DSCAM: variants seen among roughly 807,000 people sequenced by gnomAD.
DSCAM encodes the protein DS cell adhesion molecule.
A neutral mutation model predicts 217.7 loss-of-function variants in DSCAM; 47 were observed. The ratio of observed to expected loss-of-function variants is 0.22; its 90% confidence interval spans 0.17 to 0.28. DSCAM has a LOEUF of 0.28. Among genes scored for constraint, DSCAM ranks in the 10% least tolerant of loss-of-function variants. The probability of loss-of-function intolerance (pLI) is 1.00; values close to 1 mark genes in which losing one functional copy is unlikely to be tolerated. For synonymous variants in DSCAM, 1,056 were observed against 1,015.3 expected (o/e 1.04, Z -0.76); for missense variants, 2,080 against 2,618.3 (o/e 0.79, Z 4.49).
intron 3 of DSCAM, among the ~76,000 whole-genome samples, chr21:40,630,966 G>A (rs1418271475): frequency 6.6e-6 from 1 of 152,120 alleles, no homozygotes; most frequent in Non-Finnish European, 1.5e-5. Context: ...TCTGGGGGTT[G>A]GAGCATCTGT....
At chr21:40,576,114 T>C (rs1210010096) in intron 3 of DSCAM, among the ~76,000 whole-genome samples, 1 of 152,114 alleles carries the variant, frequency 6.6e-6, no homozygotes, top group Non-Finnish European at 1.5e-5. Flanking sequence ...CCAAGAGAAA[T>C]CCTAACATAT....
At chr21:40,457,788 G>A (rs968493349) in intron 3 of DSCAM, among the ~76,000 whole-genome samples, 5 of 152,018 alleles carry the variant, frequency 3.3e-5, no homozygotes, top group African/African-American at 1.2e-4. Context: ...ACATTGTTGT[G>A]GTAAGTTTTA....
chr21:40,120,547 A>G (rs1248192960), intron 20 of DSCAM, among the ~76,000 whole-genome samples: 1 of 152,202 alleles, frequency 6.6e-6, no homozygotes, highest in East Asian at 1.9e-4. Context: ...CATTGCTTAT[A>G]ATAGATTGTT....
At chr21:40,654,899 G>A (rs1187219628) in intron 3 of DSCAM, among the ~76,000 whole-genome samples, 1 of 152,066 alleles carries the variant, frequency 6.6e-6, no homozygotes, top group African/African-American at 2.4e-5. Context: ...CATCTTTAGG[G>A]GCCATTACTC....
chr21:40,015,164 AG>A (rs2088134663), intron 32 of DSCAM, among the ~76,000 whole-genome samples: 1 of 152,102 alleles, frequency 6.6e-6, no homozygotes, highest in Admixed American at 6.5e-5. Flanking sequence ...CTTTCTCCTG[AG>A]CCCTAGATGT....
At chr21:40,350,600 G>C (rs551756254) in intron 5 of DSCAM, among the ~76,000 whole-genome samples, 4 of 152,266 alleles carry the variant, frequency 2.6e-5, no homozygotes, top group African/African-American at 7.2e-5. Context: ...TAACCAACCA[G>C]AGTGATGGAG....
chr21:40,449,110 C>G (rs1601652557), intron 3 of DSCAM, among the ~76,000 whole-genome samples: 1 of 152,284 alleles, frequency 6.6e-6, no homozygotes, highest in East Asian at 1.9e-4. Flanking sequence ...CTCCGGCCAT[C>G]TTCTGTAGTC....
At chr21:40,225,836 CT>C (rs1420399220) in intron 11 of DSCAM, among the ~76,000 whole-genome samples, 1 of 152,126 alleles carries the variant, frequency 6.6e-6, no homozygotes. Flanking sequence ...GAAAGTCCCC[CT>C]GTCCTCCAAC....
intron 1 of DSCAM, among the ~76,000 whole-genome samples, chr21:40,750,687 T>C (rs565880414): frequency 1.1e-3 from 167 of 151,878 alleles, no homozygotes; most frequent in African/African-American, 3.9e-3. Context: ...AAACCGAACA[T>C]TCTTTTTACT....
chr21:40,358,249 G>A (rs955579624), intron 4 of DSCAM, among the ~76,000 whole-genome samples: 7 of 152,192 alleles, frequency 4.6e-5, no homozygotes, highest in African/African-American at 1.7e-4. Flanking sequence ...ATATGCTTAA[G>A]ATAGTGCTAT....
chr21:40,499,364 G>T (rs1434144596), intron 3 of DSCAM, among the ~76,000 whole-genome samples: 1 of 152,116 alleles, frequency 6.6e-6, no homozygotes, highest in Non-Finnish European at 1.5e-5. Flanking sequence ...TTTCTCTCTT[G>T]CTCTTTGAAT....
intron 3 of DSCAM, among the ~76,000 whole-genome samples, chr21:40,495,517 T>C (rs928202019): frequency 6.6e-6 from 1 of 152,126 alleles, no homozygotes; most frequent in African/African-American, 2.4e-5. Flanking sequence ...AAATTAGGTA[T>C]AGAAAGAATG....
intron 3 of DSCAM, among the ~76,000 whole-genome samples, chr21:40,382,462 T>C (rs1239902747): frequency 6.6e-6 from 1 of 152,204 alleles, no homozygotes; most frequent in East Asian, 1.9e-4. Flanking sequence ...GCATTTATAA[T>C]GGGAATAGCA....
chr21:40,232,930 A>G (rs184499040), intron 11 of DSCAM, among the ~76,000 whole-genome samples: 21 of 152,232 alleles, frequency 1.4e-4, no homozygotes, highest in African/African-American at 4.8e-4. Context: ...GGAGTATTTA[A>G]AAAGGAAATT....
chr21:40,151,151 G>A (rs2090419327), intron 16 of DSCAM, among the ~76,000 whole-genome samples: 2 of 151,978 alleles, frequency 1.3e-5, no homozygotes, highest in African/African-American at 4.8e-5. Context: ...GCTCACCTGC[G>A]TTCCTCTCTG....
intron 1 of DSCAM, among the ~76,000 whole-genome samples, chr21:40,833,252 T>A (rs1196583274): frequency 1.3e-5 from 2 of 152,166 alleles, no homozygotes; most frequent in African/African-American, 4.8e-5. Context: ...GCTTTCTAGC[T>A]ACGGTTTCAA....
At chr21:40,780,519 C>T (rs968214684) in intron 1 of DSCAM, among the ~76,000 whole-genome samples, 3 of 149,398 alleles carry the variant, frequency 2.0e-5, no homozygotes, top group Non-Finnish European at 3.0e-5. Flanking sequence ...GGAGTGTTAC[C>T]GGCTGAAATG....
chr21:40,025,904 C>A (rs1394785715), intron 32 of DSCAM, among the ~76,000 whole-genome samples: 2 of 149,838 alleles, frequency 1.3e-5, no homozygotes, highest in Non-Finnish European at 3.0e-5. Context: ...TATTTCTTGC[C>A]TTCTGCTAGC....
chr21:40,460,823 T>C (rs542693435), intron 3 of DSCAM, among the ~76,000 whole-genome samples: 4 of 152,040 alleles, frequency 2.6e-5, no homozygotes, highest in African/African-American at 7.3e-5. Context: ...CAAAGAGATA[T>C]GGAAATACAC....
Sources: gnomAD v4.1 joint callset for allele counts (sites outside exome capture counted in the v4.1 genomes callset) on GRCh38, gnomAD v4.1.1 for gene constraint, MANE v1.5 for transcripts, NCBI Gene and HGNC (gene_info 2026-07-23, HGNC 2026-07-21) for gene names.